Variants in RTN4RL1 observed in about 807,000 individuals in gnomAD.
RTN4RL1 encodes reticulon 4 receptor like 1.
In RTN4RL1, 7 loss-of-function variants were observed where a neutral mutation model predicts 25.6. That is an observed-to-expected ratio of 0.27 (90% CI 0.16 to 0.51). The LOEUF (loss-of-function observed/expected upper bound fraction) is 0.51. Among genes scored for constraint, RTN4RL1 ranks in the 20% least tolerant of loss-of-function variants. The pLI, the probability that RTN4RL1 is intolerant of heterozygous loss-of-function variation, is 0.97. For missense variants in RTN4RL1, 500 were observed against 615.6 expected (o/e 0.81, Z 1.99); for synonymous variants, 297 against 288.2 (o/e 1.03, Z -0.31).
chr17:2,019,827 T>C (rs1217596481), intron 1 of RTN4RL1: 2 of 152,264 alleles, frequency 1.3e-5, no homozygotes, highest in Admixed American at 1.3e-4. Context: ...CTGAACACTC[T>C]GCAGTAAGGA....
chr17:1,950,274 C>A (rs1057372498), intron 1 of RTN4RL1, among the ~76,000 whole-genome samples: 1 of 151,650 alleles, frequency 6.6e-6, no homozygotes, highest in Non-Finnish European at 1.5e-5. Context: ...GGATGGGGCC[C>A]GACAGGACAC....
chr17:2,024,793 G>A (rs540427676), intron 1 of RTN4RL1, 60 bp downstream of exon 1: 4 of 1,523,210 alleles, frequency 2.6e-6, no homozygotes, highest in Admixed American at 2.1e-5. Flanking sequence ...GCGGCGCCCG[G>A]GCTCGCGGCT....
At chr17:2,023,913 G>A (rs1285333958) in intron 1 of RTN4RL1, among the ~76,000 whole-genome samples, 1 of 150,784 alleles carries the variant, frequency 6.6e-6, no homozygotes, top group Non-Finnish European at 1.5e-5. Flanking sequence ...CAGCCTCCTG[G>A]CCGGGCCAGG....
intron 1 of RTN4RL1, among the ~76,000 whole-genome samples, chr17:1,958,890 T>A (rs1255703506): frequency 6.6e-6 from 1 of 152,248 alleles, no homozygotes; most frequent in Non-Finnish European, 1.5e-5. Flanking sequence ...TCAAACTGCA[T>A]TAGTCAAAAT....
At chr17:2,022,141 C>G (rs890137447) in intron 1 of RTN4RL1, among the ~76,000 whole-genome samples, 3 of 151,774 alleles carry the variant, frequency 2.0e-5, no homozygotes, top group African/African-American at 7.3e-5. Flanking sequence ...ATGGCAAAAC[C>G]CCATCTCTAC....
At chr17:2,013,408 C>G (rs548671792) in intron 1 of RTN4RL1, among the ~76,000 whole-genome samples, 7 of 152,218 alleles carry the variant, frequency 4.6e-5, no homozygotes, top group Non-Finnish European at 1.0e-4. Context: ...CTTCCAGCTG[C>G]AAAGACTTGC....
At chr17:2,022,196 G>A (rs552830462) in intron 1 of RTN4RL1, among the ~76,000 whole-genome samples, 11 of 152,040 alleles carry the variant, frequency 7.2e-5, no homozygotes, top group South Asian at 2.1e-4. Context: ...TGCACCTGTA[G>A]TCCTAGCTAC....
intron 1 of RTN4RL1, among the ~76,000 whole-genome samples, chr17:1,951,754 G>A (rs1411885265): frequency 2.6e-5 from 4 of 151,988 alleles, no homozygotes; most frequent in East Asian, 1.9e-4. Context: ...CGCCCGGCCC[G>A]AAGCCACAAA....
intron 1 of RTN4RL1, among the ~76,000 whole-genome samples, chr17:1,938,666 C>CA (rs1915367093): frequency 6.6e-6 from 1 of 152,022 alleles, no homozygotes; most frequent in Admixed American, 6.6e-5. Flanking sequence ...AAGTTCACCT[C>CA]AAATAATGTC....
At position 2,025,058 on chromosome 17, in the gene RTN4RL1, C is replaced by G; in HGVS notation, c.-193G>C. 1 of 455,856 alleles carries G rather than the reference C, an allele frequency of 2.2e-6. No individual in the cohort carries two copies. Among genetic ancestry groups the G allele is most frequent in the South Asian group, 4.3e-5 (1 of 23,438 alleles). The allele number at this position is 455,856 out of a possible 1,614,324, so 28.2% of individuals were successfully genotyped here. The stretch of plus-strand genomic sequence containing the variant: ...TCCAGCCCCGCGCCGAGGGCACCGG[C>G]GCCCGCAAGCAACCGTGGTGCTGCC... On this transcript the variant is annotated 5_prime_UTR_variant, in exon 1 of 2. Coordinates refer to ENST00000331238, the MANE Select transcript of RTN4RL1 (RefSeq NM_178568.4). The surrounding 1 kb of genome is among the most constrained non-coding windows in gnomAD (Gnocchi z 4.8).
intron 1 of RTN4RL1, among the ~76,000 whole-genome samples, chr17:1,958,081 T>C (rs1329341227): frequency 6.6e-6 from 1 of 151,868 alleles, no homozygotes; most frequent in Admixed American, 6.6e-5. Context: ...TAGTCCCCGC[T>C]ACTTGAGAGG....
At chr17:2,008,903 C>G (rs979274639) in intron 1 of RTN4RL1, among the ~76,000 whole-genome samples, 1 of 152,206 alleles carries the variant, frequency 6.6e-6, no homozygotes, top group East Asian at 1.9e-4. Flanking sequence ...TTTCACTTAT[C>G]CAGGGTGTGG....
chr17:1,943,905 G>A (rs1033933252), intron 1 of RTN4RL1, among the ~76,000 whole-genome samples: 1 of 151,704 alleles, frequency 6.6e-6, no homozygotes, highest in Non-Finnish European at 1.5e-5. Flanking sequence ...ACAAGCTTTG[G>A]AGCCAGAGAG....
intron 1 of RTN4RL1, among the ~76,000 whole-genome samples, chr17:2,004,479 G>C (rs1245893922): frequency 6.6e-6 from 1 of 152,092 alleles, no homozygotes; most frequent in African/African-American, 2.4e-5. Context: ...TTTCCAGTCG[G>C]GGGACCCTGT....
At chr17:1,980,926 CAAAA>C (rs71723916) in intron 1 of RTN4RL1, among the ~76,000 whole-genome samples, 4 of 87,150 alleles carry the variant, frequency 4.6e-5, no homozygotes, top group African/African-American at 9.3e-5. Flanking sequence ...GATTCTATCT[CAAAA>C]AAAAAAAAAA....
intron 1 of RTN4RL1, among the ~76,000 whole-genome samples, chr17:1,993,699 C>A (rs1447134722): frequency 1.3e-5 from 2 of 151,924 alleles, no homozygotes; most frequent in African/African-American, 4.8e-5. Flanking sequence ...CATTGCAAAG[C>A]ACTGCCATTA....
chr17:1,959,429 G>A (rs1915853810), intron 1 of RTN4RL1, among the ~76,000 whole-genome samples: 1 of 152,038 alleles, frequency 6.6e-6, no homozygotes. Context: ...CTGCCTTGCT[G>A]CCTGCTTCTT....
intron 1 of RTN4RL1, among the ~76,000 whole-genome samples, chr17:1,962,117 TA>T (rs71150837): frequency 0.39 from 55,383 of 141,514 alleles, 11,311 homozygotes; most frequent in Admixed American, 0.52. Context: ...CCCTATCTCT[TA>T]AAAAAAAAAA....
Position 2,010,008 on chromosome 17 carries a change from C to T in RTN4RL1, c.13+14845G>A, listed in dbSNP as rs1434667811. On this transcript the variant is annotated intron_variant, in intron 1 of 1. Coordinates refer to ENST00000331238, the MANE Select transcript of RTN4RL1 (RefSeq NM_178568.4). ...GGAGAAGCAGCTCTAATGTCTGCAG[C>T]GCCCTCCCTCACTCCCTCACTTCGC... Among the ~76,000 whole-genome samples, 12 of 129,018 alleles carry T rather than the reference C, an allele frequency of 9.3e-5. 2 individuals carry two copies. Among genetic ancestry groups the T allele is most frequent in the African/African-American group, 2.7e-4 (9 of 33,962 alleles). The allele number at this position is 129,018 out of a possible 152,430, so 84.6% of individuals were successfully genotyped here.
Sources: gnomAD v4.1 joint callset for allele counts (sites outside exome capture counted in the v4.1 genomes callset) on GRCh38, gnomAD v4.1.1 for gene constraint, Gnocchi (gnomAD v3.1) non-coding constraint, MANE v1.5 for transcripts, NCBI Gene and HGNC (gene_info 2026-07-23, HGNC 2026-07-21) for gene names.